The following TMUB2 variants were observed in gnomAD, a reference collection of about 807,000 sequenced individuals.
TMUB2 encodes the protein transmembrane and ubiquitin-like domain-containing protein 2.
Under a neutral mutation model 20.2 loss-of-function variants are expected in TMUB2, and 19 were observed. That is an observed-to-expected ratio of 0.94 (90% CI 0.66 to 1.38). TMUB2 has a LOEUF of 1.38. Among genes scored for constraint, TMUB2 ranks in the 40% most tolerant of loss-of-function variants. The pLI is 0.00. For missense variants in TMUB2, 426 were observed against 402.5 expected, an observed-to-expected ratio of 1.06 and a Z score of -0.50; for synonymous variants, 186 against 166.0, an observed-to-expected ratio of 1.12 and a Z score of -0.92.
chr17:44,187,865 C>T lies in TMUB2; in HGVS notation c.35+122C>T, dbSNP rs1199327441. On this transcript the variant is annotated intron_variant, in intron 2 of 3. Coordinates refer to ENST00000538716, the MANE Select transcript of TMUB2 (RefSeq NM_001076674.3). Reference sequence around the variant, plus strand: ...TTATAATTAGTTGTTTTTCTAACTCCAGGGCCGGTATATTAAATAAGGATG... The same window carrying T: ...TTATAATTAGTTGTTTTTCTAACTCTAGGGCCGGTATATTAAATAAGGATG... 2.2e-5 allele frequency: 15 copies of T among 692,782 alleles called. No homozygotes were observed. In the Admixed American group the frequency reaches 2.8e-4, roughly 13 times the overall value. 42.9% of individuals were successfully genotyped at this position (692,782 alleles called of 1,614,324 possible).
chr17:44,190,442 C>T (rs1418576786), intron 3 of TMUB2, 59 bp from the exon 4 acceptor site: 20 of 1,528,086 alleles, frequency 1.3e-5, no homozygotes, highest in Non-Finnish European at 4.4e-6. Flanking sequence ...TGGTCCAGGC[C>T]TGTTTGCCTT....
At position 44,189,337 on chromosome 17, in the gene TMUB2, G is replaced by A; in HGVS notation, c.351G>A (p.Arg117=). ...AGGCTGAAGAGGCGGGTGAAGGTCGGGGAGACTCCACTGGGGAGGCTGGAG... is the reference window on the plus strand; with the variant it reads ...AGGCTGAAGAGGCGGGTGAAGGTCGAGGAGACTCCACTGGGGAGGCTGGAG... ...DEKAEEAGEG[R]GDSTGEAGAG... Residue 117 remains arginine, a synonymous_variant, in exon 3 of 4, where the codon CGG becomes CGA. Transcript: ENST00000538716. The A allele has an allele frequency of 6.3e-7, 1 of 1,595,600 alleles. No homozygotes were observed. The highest frequency in any genetic ancestry group is 8.5e-7 in the Non-Finnish European group (1 of 1,170,392).
chr17:44,189,683 A>T, intron 3 of TMUB2, 95 bp downstream of exon 3: 1 of 1,212,990 alleles, frequency 8.2e-7, no homozygotes. Context: ...GCTGCAGCAA[A>T]GTGTAAGATC....
Position 44,191,452 on chromosome 17 carries a change from T to C in TMUB2, c.*588T>C. The stretch of plus-strand genomic sequence containing the variant: ...CTCCCTTCTTTCAAAGCACTTTGCT[T>C]GCATTTTATTTTATTTTTTTAAGAG... On this transcript the variant is annotated 3_prime_UTR_variant, in exon 4 of 4. Coordinates refer to ENST00000538716, the MANE Select transcript of TMUB2 (RefSeq NM_001076674.3). The C allele has an allele frequency of 1.0e-6, 1 of 986,056 alleles. No homozygotes were observed. Among genetic ancestry groups the C allele is most frequent in the Non-Finnish European group, 1.2e-6 (1 of 830,088 alleles). 61.1% of individuals were successfully genotyped at this position (986,056 alleles called of 1,614,324 possible). A position where few individuals can be genotyped will look rare whatever the true frequency, so the allele number is the denominator to read the frequency against.
intron 2 of TMUB2, among the ~76,000 whole-genome samples, chr17:44,188,617 G>A (rs761997077): frequency 2.6e-5 from 4 of 152,150 alleles, no homozygotes; most frequent in Non-Finnish European, 5.9e-5. Flanking sequence ...AGCCACTTTG[G>A]AGGCTGCTTA....
chr17:44,188,026 A>C (rs967294562), intron 2 of TMUB2: 8 of 445,980 alleles, frequency 1.8e-5, no homozygotes, highest in African/African-American at 1.6e-4. Context: ...AAGTATAATG[A>C]AGTTTTATAG....
Position 44,191,496 on chromosome 17 carries a change from C to T in TMUB2, c.*632C>T, listed in dbSNP as rs1399805358. On this transcript the variant is annotated 3_prime_UTR_variant, in exon 4 of 4. Coordinates refer to ENST00000538716, the MANE Select transcript of TMUB2 (RefSeq NM_001076674.3). ...TTAAGAGTCCTTCATAGAGCTCAGTCAGGAAGGGGATGGGGCACCAAGCCA... is the reference window on the plus strand; with the variant it reads ...TTAAGAGTCCTTCATAGAGCTCAGTTAGGAAGGGGATGGGGCACCAAGCCA... 2.0e-6 allele frequency: 2 copies of T among 985,894 alleles called. No individual in the cohort carries two copies. The highest frequency in any genetic ancestry group is 2.4e-6 in the Non-Finnish European group (2 of 830,090). 61.1% of individuals were successfully genotyped at this position (985,894 alleles called of 1,614,324 possible).
rs1436925086 is a variant in TMUB2, at chr17:44,189,028, C to T, written c.42C>T (p.Asp14=). The change falls in exon 3 of 4, where the codon GAC becomes GAT. Residue 14 remains aspartate (D), a synonymous_variant. Transcript: ENST00000538716. The part of the protein sequence containing the change: ...RHLQNNLMSV[D]PASSQAMELS... ...TCCCCCTTTGTTCCTGCAGCGTGGA[C>T]CCTGCCAGCAGCCAGGCCATGGAGC... is the stretch of plus-strand genomic sequence containing the variant. 6.2e-7 allele frequency: 1 copy of T among 1,612,464 alleles called. No individual in the cohort carries two copies. The highest frequency in any genetic ancestry group is 8.5e-7 in the Non-Finnish European group (1 of 1,179,134).
rs2055589118 is a variant in TMUB2 at position 44,191,576 on chromosome 17, G to C, written c.*712G>C. On this transcript the variant is annotated 3_prime_UTR_variant, in exon 4 of 4. Coordinates refer to ENST00000538716, the MANE Select transcript of TMUB2 (RefSeq NM_001076674.3). ...CAGCTGCTGCTCCCGTAGTCCTCAG[G>C]CTGTAAGCAAGAGACAGCACTGGCC... The C allele has an allele frequency of 3.0e-6, 3 of 985,944 alleles. No individual in the cohort carries two copies. Among genetic ancestry groups the C allele is most frequent in the Non-Finnish European group, 3.6e-6 (3 of 830,088 alleles). The allele number at this position is 985,944 out of a possible 1,614,324, so 61.1% of individuals were successfully genotyped here.
intron 2 of TMUB2, among the ~76,000 whole-genome samples, chr17:44,188,404 G>A (rs576493390): frequency 6.6e-6 from 1 of 152,234 alleles, no homozygotes; most frequent in African/African-American, 2.4e-5. Flanking sequence ...ATCTGCCCGC[G>A]GTCCCTACAG....
At position 44,191,780 on chromosome 17, in the gene TMUB2, G is replaced by C; in HGVS notation, c.*916G>C. The C allele has an allele frequency of 1.0e-6, 1 of 978,790 alleles. No individual in the cohort carries two copies. Among genetic ancestry groups the C allele is most frequent in the Non-Finnish European group, 1.2e-6 (1 of 823,638 alleles). 60.6% of individuals were successfully genotyped at this position (978,790 alleles called of 1,614,324 possible). A position where few individuals can be genotyped will look rare whatever the true frequency, so the allele number is the denominator to read the frequency against. On this transcript the variant is annotated 3_prime_UTR_variant, in exon 4 of 4. Coordinates refer to ENST00000538716, the MANE Select transcript of TMUB2 (RefSeq NM_001076674.3). Reference sequence around the variant, plus strand: ...GCTTTGCGCTGCCCCCAGGAAAATGGTAATGAGAGTAGGTAGGCCGGGGCT... The same window carrying C: ...GCTTTGCGCTGCCCCCAGGAAAATGCTAATGAGAGTAGGTAGGCCGGGGCT...
chr17:44,191,045 G>A lies in TMUB2; in HGVS notation c.*181G>A. 1.4e-6 allele frequency: 2 copies of A among 1,417,646 alleles called. No individual in the cohort carries two copies. Among genetic ancestry groups the A allele is most frequent in the Non-Finnish European group, 1.8e-6 (2 of 1,090,518 alleles). The allele number at this position is 1,417,646 out of a possible 1,614,324, so 87.8% of individuals were successfully genotyped here. ...CCTTCTCATCCACAGGAGTACAGAT[G>A]TCCCTCCCGTGCGAGCACAACTCAG... On this transcript the variant is annotated 3_prime_UTR_variant, in exon 4 of 4. Coordinates refer to ENST00000538716, the MANE Select transcript of TMUB2 (RefSeq NM_001076674.3).
rs571845797 is a variant in TMUB2, at chr17:44,188,894, C to A, written c.36-128C>A. 8 of 1,407,420 alleles carry A rather than the reference C, an allele frequency of 5.7e-6. No individual in the cohort carries two copies. The South Asian group carries it at 1.1e-4, about 20-fold the overall frequency. 87.2% of individuals were successfully genotyped at this position (1,407,420 alleles called of 1,614,324 possible). ...TGCCGGAATTAGGAAGGTTTGTGCC[C>A]CCTTCTACACAACACTGAACTCCTT... On this transcript the variant is annotated intron_variant, in intron 2 of 3. Transcript: ENST00000538716.
chr17:44,189,336 G>C lies in TMUB2; in HGVS notation c.350G>C (p.Arg117Pro), dbSNP rs752137509. Reference sequence around the variant, plus strand: ...AAGGCTGAAGAGGCGGGTGAAGGTCGGGGAGACTCCACTGGGGAGGCTGGA... The same window carrying C: ...AAGGCTGAAGAGGCGGGTGAAGGTCCGGGAGACTCCACTGGGGAGGCTGGA... ...DEKAEEAGEG[R>P]GDSTGEAGAG... The change falls in exon 3 of 4, where the codon CGG (arginine) becomes CCG (proline). Residue 117 changes from arginine to proline, a missense_variant. Physicochemically the swap from Arg to Pro is moderately radical, Grantham distance 103. Coordinates refer to ENST00000538716, the MANE Select transcript of TMUB2 (RefSeq NM_001076674.3). The C allele has an allele frequency of 4.4e-6, 7 of 1,594,710 alleles. No homozygotes were observed. Among genetic ancestry groups the C allele is most frequent in the Non-Finnish European group, 6.0e-6 (7 of 1,169,974 alleles).
In TMUB2 at chr17:44,189,335, C is replaced by T. The variant is rs764517813; in HGVS notation, c.349C>T (p.Arg117Trp). The change falls in exon 3 of 4, where the codon CGG becomes TGG. Residue 117 changes from arginine to tryptophan, a missense_variant. Coordinates refer to ENST00000538716, the MANE Select transcript of TMUB2 (RefSeq NM_001076674.3). ...GAAGGCTGAAGAGGCGGGTGAAGGT[C>T]GGGGAGACTCCACTGGGGAGGCTGG... is the stretch of plus-strand genomic sequence containing the variant. The part of the protein sequence containing the change: ...DEKAEEAGEG[R>W]GDSTGEAGAG... 1.4e-5 allele frequency: 22 copies of T among 1,592,582 alleles called. No homozygotes were observed. The highest frequency in any genetic ancestry group is 1.7e-4 in the Middle Eastern group (1 of 5,988).
At chr17:44,188,861 G>C (rs2054890420) in intron 2 of TMUB2, 161 bp from the exon 3 acceptor site, 1 of 1,295,270 alleles carries the variant, frequency 7.7e-7, no homozygotes, top group African/African-American at 1.5e-5. Context: ...TTTAGGTTTA[G>C]GTTGGGGTGC....
At chr17:44,187,882 A>G in intron 2 of TMUB2, 139 bp downstream of exon 2, 1 of 680,078 alleles carries the variant, frequency 1.5e-6, no homozygotes, top group East Asian at 2.7e-5. Context: ...GGTATATTAA[A>G]TAAGGATGTT....
At position 44,187,067 on chromosome 17, in the gene TMUB2, G is replaced by A. The variant is rs1029340718; in HGVS notation, c.-76G>A. 6.5e-6 allele frequency: 1 copy of A among 152,784 alleles called. No individual in the cohort carries two copies. Among genetic ancestry groups the A allele is most frequent in the Non-Finnish European group, 1.5e-5 (1 of 68,258 alleles). 9.5% of individuals were successfully genotyped at this position (152,784 alleles called of 1,614,324 possible). On this transcript the variant is annotated 5_prime_UTR_variant, in exon 1 of 4. Coordinates refer to ENST00000538716, the MANE Select transcript of TMUB2 (RefSeq NM_001076674.3). Reference sequence around the variant, plus strand: ...ACCCCTACGGAAAGACGAGTCCAGGGGCCGTCCTGGCGAGGTCAAAACATT... The same window carrying A: ...ACCCCTACGGAAAGACGAGTCCAGGAGCCGTCCTGGCGAGGTCAAAACATT...
intron 2 of TMUB2, 175 bp downstream of exon 2, chr17:44,187,918 A>G (rs2054708969): frequency 3.2e-6 from 2 of 632,166 alleles, no homozygotes; most frequent in Admixed American, 5.1e-5. Context: ...TAATTCTTTG[A>G]GCAACTACTG....
Sources: gnomAD v4.1 joint callset for allele counts (sites outside exome capture counted in the v4.1 genomes callset) on GRCh38, gnomAD v4.1.1 for gene constraint, MANE v1.5 for transcripts, NCBI Gene and HGNC (gene_info 2026-07-23, HGNC 2026-07-21) for gene names.